The following SOX6 variants were observed in gnomAD, a reference collection of about 807,000 sequenced individuals.
SOX6 encodes the protein SRY-box transcription factor 6.
SOX6 carries 11 observed loss-of-function variants against 97.8 expected under a neutral mutation model. The observed-to-expected ratio is 0.11, with a 90% CI of 0.07 to 0.19. SOX6 has a LOEUF of 0.19. Ranked by LOEUF, SOX6 falls within the 10% of genes least tolerant of loss-of-function variation. SOX6 has a pLI of 1.00. For missense variants in SOX6, 810 were observed against 1,039.5 expected (o/e 0.78, Z 3.04); for synonymous variants, 360 against 371.4 (o/e 0.97, Z 0.35).
rs1187408800 is a variant in SOX6 at position 15,972,676 on chromosome 11, A to T, written c.*133T>A. ...TCAGGGAAAACTTAATCTGTCTCAC[A>T]CTTTACGAAACAATTAAGACCATTC... On this transcript the variant is annotated 3_prime_UTR_variant, in exon 16 of 16. Transcript: ENST00000683767. 1 of 966,036 alleles carries T rather than the reference A, an allele frequency of 1.0e-6. No individual in the cohort carries two copies. Among genetic ancestry groups the T allele is most frequent in the Non-Finnish European group, 1.6e-6 (1 of 622,068 alleles). 59.8% of individuals were successfully genotyped at this position (966,036 alleles called of 1,614,324 possible).
intron 15 of SOX6, among the ~76,000 whole-genome samples, chr11:15,984,261 C>G (rs1050554715): frequency 1.3e-5 from 2 of 151,990 alleles, no homozygotes; most frequent in Admixed American, 6.6e-5. Context: ...TTTAATGTAC[C>G]CTTTAGTAAA....
intron 4 of SOX6, among the ~76,000 whole-genome samples, chr11:16,598,730 T>G (rs1365604251): frequency 1.3e-5 from 2 of 152,090 alleles, no homozygotes; most frequent in Non-Finnish European, 2.9e-5. Flanking sequence ...ATCTTTAATT[T>G]TCTTTGTCTA....
intron 9 of SOX6, among the ~76,000 whole-genome samples, chr11:16,091,648 T>C (rs1005997483): frequency 2.0e-5 from 3 of 152,044 alleles, no homozygotes; most frequent in African/African-American, 4.8e-5. Context: ...ATTGTTCTCC[T>C]CCATCTTTGC....
chr11:16,018,699 G>A (rs751641060), intron 12 of SOX6, among the ~76,000 whole-genome samples: 14 of 152,026 alleles, frequency 9.2e-5, no homozygotes, highest in African/African-American at 1.7e-4. Context: ...TTATTTATAC[G>A]TTCCCACGTA....
At chr11:16,640,125 G>C (rs1354810974) in intron 3 of SOX6, among the ~76,000 whole-genome samples, 2 of 152,194 alleles carry the variant, frequency 1.3e-5, no homozygotes, top group Non-Finnish European at 2.9e-5. Flanking sequence ...ATGAAGGGCT[G>C]TTGAATTTTG....
chr11:16,040,477 T>C (rs186634343), intron 12 of SOX6, among the ~76,000 whole-genome samples: 1 of 152,094 alleles, frequency 6.6e-6, no homozygotes, highest in African/African-American at 2.4e-5. Flanking sequence ...CCAACATTAA[T>C]AAAACTTACC....
At chr11:16,279,363 T>C (rs1259557624) in intron 3 of SOX6, among the ~76,000 whole-genome samples, 1 of 152,084 alleles carries the variant, frequency 6.6e-6, no homozygotes, top group African/African-American at 2.4e-5. Context: ...TATGACAAAT[T>C]TTGAGAAATA....
At chr11:16,003,263 A>G (rs556841945) in intron 13 of SOX6, among the ~76,000 whole-genome samples, 47 of 151,896 alleles carry the variant, frequency 3.1e-4, no homozygotes, top group African/African-American at 1.1e-3. Context: ...TTCTCCACAC[A>G]CTGTGTTGTG....
chr11:16,428,917 G>C (rs923110679), intron 1 of SOX6, among the ~76,000 whole-genome samples: 1 of 152,036 alleles, frequency 6.6e-6, no homozygotes, highest in African/African-American at 2.4e-5. Flanking sequence ...TACCTTGGGC[G>C]GCATGGCCAT....
chr11:16,603,032 G>GA (rs541537090), intron 4 of SOX6, among the ~76,000 whole-genome samples: 121 of 145,522 alleles, frequency 8.3e-4, no homozygotes, highest in African/African-American at 2.1e-3. Flanking sequence ...AATAAAAAAA[G>GA]AAAAAAAAAA....
chr11:16,737,963 C>T (rs16933370), intron 1 of SOX6, among the ~76,000 whole-genome samples: 1 of 151,844 alleles, frequency 6.6e-6, no homozygotes, highest in Non-Finnish European at 1.5e-5. Flanking sequence ...TTGGTGAAGG[C>T]CCCTACTGTA....
intron 6 of SOX6, among the ~76,000 whole-genome samples, chr11:16,121,465 A>G (rs1009467958): frequency 6.6e-6 from 1 of 152,016 alleles, no homozygotes. Context: ...GCTGGGCAGT[A>G]GAAATATAAA....
chr11:16,201,952 A>T (rs1851953126), intron 4 of SOX6, among the ~76,000 whole-genome samples: 1 of 151,998 alleles, frequency 6.6e-6, no homozygotes, highest in Non-Finnish European at 1.5e-5. Flanking sequence ...TTTTTAAGAG[A>T]GATTTTTAAT....
chr11:16,030,494 A>G (rs1476083948), intron 12 of SOX6, among the ~76,000 whole-genome samples: 5 of 152,212 alleles, frequency 3.3e-5, no homozygotes, highest in Non-Finnish European at 7.3e-5. Flanking sequence ...AGGTAAAGCA[A>G]TATTTAATAC....
In SOX6 at chr11:16,499,132, C is replaced by T. The variant is rs578165025; in HGVS notation, n.610-22744G>A. On this transcript the variant is annotated intron_variant and non_coding_transcript_variant, in intron 4 of 5. Transcript: ENST00000524520. ...TCTCTCAGACCACAGTGCAATCAAA[C>T]TAGAACTCAGGATTAAGAAACTCAC... Among the ~76,000 whole-genome samples the T allele has an allele frequency of 2.6e-4, 40 of 152,230 alleles. No homozygotes were observed. In the East Asian group the frequency reaches 4.8e-3, roughly 18 times the overall value.
chr11:16,378,300 T>G (rs1727854594), intron 1 of SOX6, among the ~76,000 whole-genome samples: 1 of 152,128 alleles, frequency 6.6e-6, no homozygotes, highest in South Asian at 2.1e-4. Context: ...TTTAGTATAA[T>G]TCTATTAAAA....
chr11:16,096,597 A>T (rs943798945), intron 8 of SOX6, among the ~76,000 whole-genome samples: 8 of 151,828 alleles, frequency 5.3e-5, no homozygotes, highest in Non-Finnish European at 7.4e-5. Flanking sequence ...TTATTTGCAG[A>T]TCCAGTTGGA....
At chr11:16,374,148 G>A (rs1216605555) in intron 1 of SOX6, among the ~76,000 whole-genome samples, 1 of 151,906 alleles carries the variant, frequency 6.6e-6, no homozygotes, top group African/African-American at 2.4e-5. Flanking sequence ...ACTCCCTTAT[G>A]TGCCTCTTCA....
At chr11:16,588,250 G>A (rs535827275) in intron 4 of SOX6, among the ~76,000 whole-genome samples, 3 of 152,170 alleles carry the variant, frequency 2.0e-5, no homozygotes, top group Non-Finnish European at 4.4e-5. Context: ...TCAGCAGAGT[G>A]TCAGAGCTCA....
Sources: allele counts gnomAD v4.1 joint callset (sites outside exome capture counted in the v4.1 genomes callset), GRCh38; gene constraint gnomAD v4.1.1; transcripts MANE v1.5; gene names NCBI Gene and HGNC (gene_info 2026-07-23, HGNC 2026-07-21).